GABRG3: variants seen among roughly 807,000 people sequenced by gnomAD.
GABRG3 encodes the protein gamma-aminobutyric acid type A receptor subunit gamma3.
GABRG3 carries 25 observed loss-of-function variants against 48.8 expected under a neutral mutation model. The ratio of observed to expected loss-of-function variants is 0.51; its 90% CI spans 0.37 to 0.72. GABRG3 has a LOEUF of 0.72. GABRG3 is among the 30% of genes least tolerant of loss of function. The probability of loss-of-function intolerance (pLI) is 0.00; values close to 1 mark genes in which losing one functional copy is unlikely to be tolerated. For synonymous variants in GABRG3, 227 were observed against 217.6 expected, an observed-to-expected ratio of 1.04 and a Z score of -0.38; for missense variants, 394 against 577.9, an observed-to-expected ratio of 0.68 and a Z score of 3.26.
chr15:27,443,369 A>C (rs1383536328), intron 5 of GABRG3, among the ~76,000 whole-genome samples: 1 of 152,182 alleles, frequency 6.6e-6, no homozygotes, highest in African/African-American at 2.4e-5. Context: ...GGTCTTCTTT[A>C]ATTTTTCTAA....
intron 4 of GABRG3, among the ~76,000 whole-genome samples, chr15:27,327,449 C>T (rs529101058): frequency 3.9e-4 from 60 of 152,256 alleles, no homozygotes; most frequent in Middle Eastern, 3.4e-3. Flanking sequence ...GGAGTGTGTC[C>T]TCCTGGAGTC....
At chr15:27,311,219 C>A (rs1892980765) in intron 3 of GABRG3, among the ~76,000 whole-genome samples, 1 of 152,114 alleles carries the variant, frequency 6.6e-6, no homozygotes, top group South Asian at 2.1e-4. Context: ...AGCTGAGAGG[C>A]TTCTGCACCC....
chr15:27,515,654 A>G (rs1891001706), intron 6 of GABRG3, among the ~76,000 whole-genome samples: 1 of 152,168 alleles, frequency 6.6e-6, no homozygotes, highest in Admixed American at 6.5e-5. Context: ...GAGGGAAATA[A>G]CAACGTTTAA....
intron 3 of GABRG3, among the ~76,000 whole-genome samples, chr15:27,249,762 C>T (rs1383543763): frequency 1.3e-5 from 2 of 152,168 alleles, no homozygotes; most frequent in East Asian, 1.9e-4. Flanking sequence ...ACCCAAGCTG[C>T]AAAACCTTTT....
At chr15:27,323,440 A>G (rs187768112) in intron 3 of GABRG3, among the ~76,000 whole-genome samples, 196 of 152,322 alleles carry the variant, frequency 1.3e-3, no homozygotes, top group Non-Finnish European at 1.0e-3. Context: ...TCCTCAATCC[A>G]GTAAACCAGT....
At chr15:27,522,283 A>G (rs999553640) in intron 7 of GABRG3, among the ~76,000 whole-genome samples, 5 of 151,902 alleles carry the variant, frequency 3.3e-5, no homozygotes, top group African/African-American at 1.2e-4. Flanking sequence ...ATTTTTTTAG[A>G]TAAACAAAAT....
intron 3 of GABRG3, among the ~76,000 whole-genome samples, chr15:27,244,006 C>T (rs144575867): frequency 1.2e-4 from 18 of 152,090 alleles, no homozygotes; most frequent in Admixed American, 1.2e-3. Context: ...ATACTGGTTC[C>T]TGGTCACTGT....
intron 5 of GABRG3, 117 bp from the exon 6 acceptor site, chr15:27,480,533 T>G: frequency 1.1e-6 from 1 of 947,786 alleles, no homozygotes. Flanking sequence ...AGAGTGCACA[T>G]ATGGCCTAAA....
chr15:27,413,401 A>G (rs921837688), intron 5 of GABRG3, among the ~76,000 whole-genome samples: 1 of 146,466 alleles, frequency 6.8e-6, no homozygotes, highest in Non-Finnish European at 1.5e-5. Flanking sequence ...GAGATATTAG[A>G]GAGGATTTAC....
chr15:27,422,656 C>A (rs1425605019), intron 5 of GABRG3, among the ~76,000 whole-genome samples: 9 of 152,212 alleles, frequency 5.9e-5, no homozygotes, highest in Admixed American at 2.6e-4. Context: ...TCTAGTGTTA[C>A]TTTCCCCCAC....
At chr15:27,096,569 A>G (rs1897268118) in intron 3 of GABRG3, among the ~76,000 whole-genome samples, 1 of 152,232 alleles carries the variant, frequency 6.6e-6, no homozygotes, top group South Asian at 2.1e-4. Flanking sequence ...TCTCATTGTC[A>G]GTAGCTCTGT....
At chr15:27,390,950 G>A (rs897253513) in intron 5 of GABRG3, among the ~76,000 whole-genome samples, 1 of 152,000 alleles carries the variant, frequency 6.6e-6, no homozygotes, top group African/African-American at 2.4e-5. Context: ...TTAGCCAAGT[G>A]TGGTGGCATG....
intron 9 of GABRG3, among the ~76,000 whole-genome samples, chr15:27,528,957 G>A (rs546153354): frequency 1.3e-5 from 2 of 152,076 alleles, no homozygotes; most frequent in Admixed American, 1.3e-4. Context: ...CCTATTTTGT[G>A]CCTTTCTCTA....
chr15:26,977,052 A>C lies in GABRG3; in HGVS notation c.104A>C (p.Lys35Thr). 6.2e-7 allele frequency: 1 copy of C among 1,613,978 alleles called. No individual in the cohort carries two copies. The highest frequency in any genetic ancestry group is 8.5e-7 in the Non-Finnish European group (1 of 1,179,874). The change falls in exon 2 of 10, where the codon AAG (lysine) becomes ACG (threonine). Residue 35 changes from lysine to threonine, a missense_variant. Physicochemically the swap from Lys to Thr is moderately conservative, Grantham distance 78. Around this residue, in one of 3 missense-constraint regions of GABRG3, gnomAD observed 218 missense variants for 309.9 expected, o/e 0.70. Transcript: ENST00000615808. ...DEYEDSSSNQKWVLAPKSQDT... is the reference protein window; with the variant it reads ...DEYEDSSSNQTWVLAPKSQDT... ...TATGAAGATTCATCATCAAACCAAA[A>C]GTGGGTCTTGGCTCCAAAATCCCAA...
At chr15:27,024,257 G>A (rs1895946837) in intron 2 of GABRG3, among the ~76,000 whole-genome samples, 2 of 152,102 alleles carry the variant, frequency 1.3e-5, no homozygotes, top group Non-Finnish European at 2.9e-5. Flanking sequence ...CACTCAATGG[G>A]TTGTCTTTTC....
In GABRG3 at chr15:27,535,007, T is replaced by C. The variant is rs980344920; in HGVS notation, c.*2126T>C. 2 of 152,188 alleles carry C rather than the reference T, an allele frequency of 1.3e-5. No individual in the cohort carries two copies. Among genetic ancestry groups the C allele is most frequent in the Admixed American group, 1.3e-4 (2 of 15,274 alleles). The allele number at this position is 152,188 out of a possible 1,614,324, so 9.4% of individuals were successfully genotyped here. A position where few individuals can be genotyped will look rare whatever the true frequency, so the allele number is the denominator to read the frequency against. ...TGTCTTAGATGCAATGTCTCCTCTA[T>C]TGGAGAATTTCACACTCTGGTACTC... On this transcript the variant is annotated 3_prime_UTR_variant, in exon 10 of 10. Transcript: ENST00000615808.
chr15:27,017,926 A>T (rs982489375), intron 2 of GABRG3, among the ~76,000 whole-genome samples: 1 of 152,160 alleles, frequency 6.6e-6, no homozygotes, highest in African/African-American at 2.4e-5. Flanking sequence ...GGATTTTCAT[A>T]CCATCCTCAG....
At chr15:27,437,938 G>A (rs939878563) in intron 5 of GABRG3, among the ~76,000 whole-genome samples, 5 of 152,090 alleles carry the variant, frequency 3.3e-5, no homozygotes, top group African/African-American at 1.2e-4. Context: ...TAAACAACCA[G>A]CTCTCTCCAA....
intron 3 of GABRG3, among the ~76,000 whole-genome samples, chr15:27,164,159 A>G (rs564604945): frequency 2.6e-5 from 4 of 152,272 alleles, no homozygotes; most frequent in Non-Finnish European, 5.9e-5. Context: ...ATAGACACCT[A>G]TTTACTCTTC....
Sources: gnomAD v4.1 joint callset for allele counts (sites outside exome capture counted in the v4.1 genomes callset) on GRCh38, gnomAD v4.1.1 for gene constraint, gnomAD v4.1.1 regional missense constraint, MANE v1.5 for transcripts, NCBI Gene and HGNC (gene_info 2026-07-23, HGNC 2026-07-21) for gene names.